The following RGS8 variants were observed in gnomAD, a reference collection of about 807,000 sequenced individuals.
RGS8 encodes the protein regulator of G protein signaling 8, also known as regulator of G-protein signaling 8.
RGS8 carries 8 observed loss-of-function variants against 21.7 expected under a neutral mutation model. That is an observed-to-expected ratio of 0.37 (90% CI 0.22 to 0.66). RGS8 has a LOEUF of 0.66. RGS8 is among the 30% of genes least tolerant of loss of function. The pLI, the probability that RGS8 is intolerant of heterozygous loss-of-function variation, is 0.59. For synonymous variants in RGS8, 80 were observed against 83.6 expected, an observed-to-expected ratio of 0.96 and a Z score of 0.24; for missense variants, 157 against 217.9, an observed-to-expected ratio of 0.72 and a Z score of 1.76.
chr1:182,726,184 C>CAAAAA, the RGS8 span, among the ~76,000 whole-genome samples: 2 of 115,110 alleles, frequency 1.7e-5, no homozygotes, highest in African/African-American at 3.3e-5. Context: ...ATGCTAATCT[C>CAAAAA]AAAAAAAAAA....
the RGS8 span, among the ~76,000 whole-genome samples, chr1:182,694,112 C>T: frequency 5.9e-5 from 9 of 151,846 alleles, no homozygotes; most frequent in South Asian, 1.9e-3. Context: ...GCATGTACCC[C>T]TGAACCTAAA....
At chr1:182,750,522 T>A in the RGS8 span, among the ~76,000 whole-genome samples, 1 of 152,340 alleles carries the variant, frequency 6.6e-6, no homozygotes, top group Admixed American at 6.5e-5. Context: ...TACAATTCTG[T>A]CACAAAAGGT....
the RGS8 span, among the ~76,000 whole-genome samples, chr1:182,718,793 A>AAAAT: frequency 1.3e-5 from 2 of 152,324 alleles, no homozygotes; most frequent in East Asian, 3.9e-4. Context: ...CTTTACCAAA[A>AAAAT]AAATAAATAA....
the RGS8 span, among the ~76,000 whole-genome samples, chr1:182,701,934 A>G: frequency 2.6e-5 from 4 of 152,252 alleles, no homozygotes; most frequent in African/African-American, 9.6e-5. Flanking sequence ...TTAAAAAACA[A>G]CAGACGCTGG....
At chr1:182,726,090 C>A in the RGS8 span, among the ~76,000 whole-genome samples, 1 of 151,280 alleles carries the variant, frequency 6.6e-6, no homozygotes, top group East Asian at 2.0e-4. Context: ...GGCTTCTCAG[C>A]GGCTTGCAGT....
At chr1:182,672,717 C>T, upstream of RGS8, 2 of 1,399,824 alleles carry the variant, frequency 1.4e-6, no homozygotes, top group South Asian at 2.3e-5. Flanking sequence ...CCCCTACTTG[C>T]ATTTGTTATG....
chr1:182,643,324 C>CG (rs1411445727), downstream of RGS8: 2 of 58,654 alleles, frequency 3.4e-5, no homozygotes, highest in Admixed American at 2.9e-4. Flanking sequence ...CCTCCCCCAG[C>CG]CCCCCCGCCC....
the RGS8 span, among the ~76,000 whole-genome samples, chr1:182,705,274 G>A: frequency 6.6e-6 from 1 of 152,162 alleles, no homozygotes; most frequent in Non-Finnish European, 1.5e-5. Flanking sequence ...GAGTACCCAT[G>A]CCTGACAGCA....
chr1:182,717,902 A>G, the RGS8 span, among the ~76,000 whole-genome samples: 1 of 152,256 alleles, frequency 6.6e-6, no homozygotes, highest in Non-Finnish European at 1.5e-5. Flanking sequence ...AGACAAGTTC[A>G]TCTCTTTTTC....
At chr1:182,661,016 C>T (rs1663558280) in intron 5 of RGS8, among the ~76,000 whole-genome samples, 1 of 151,734 alleles carries the variant, frequency 6.6e-6, no homozygotes, top group Non-Finnish European at 1.5e-5. Flanking sequence ...ACTGTATGTT[C>T]TAGAGCTACA....
chr1:182,715,680 C>T, the RGS8 span, among the ~76,000 whole-genome samples: 2 of 152,160 alleles, frequency 1.3e-5, no homozygotes, highest in Admixed American at 6.5e-5. Context: ...ATTTTTGGAA[C>T]ATCTGACTTA....
the RGS8 span, among the ~76,000 whole-genome samples, chr1:182,706,423 C>G: frequency 6.6e-6 from 1 of 152,168 alleles, no homozygotes; most frequent in Non-Finnish European, 1.5e-5. Flanking sequence ...GTAGGAAGAC[C>G]TAATGCTCCC....
the RGS8 span, among the ~76,000 whole-genome samples, chr1:182,709,052 G>C: frequency 1.5e-4 from 18 of 122,924 alleles, no homozygotes; most frequent in Non-Finnish European, 2.5e-4. Flanking sequence ...TTCTCTCTTT[G>C]GTTTTAGTGG....
chr1:182,665,583 C>T (rs899625735), intron 5 of RGS8, among the ~76,000 whole-genome samples: 6 of 152,086 alleles, frequency 3.9e-5, no homozygotes, highest in Admixed American at 6.5e-5. Context: ...GATGCATAGC[C>T]CAAGACTCTC....
At chr1:182,717,126 TACAGAATACTTAGG>T in the RGS8 span, among the ~76,000 whole-genome samples, 1 of 152,232 alleles carries the variant, frequency 6.6e-6, no homozygotes, top group Non-Finnish European at 1.5e-5. Flanking sequence ...ACTAGAGCTT[TACAGAATACTTAGG>T]AAGTCTAAAC....
chr1:182,722,363 C>CAAAAAA, the RGS8 span, among the ~76,000 whole-genome samples: 8 of 79,408 alleles, frequency 1.0e-4, no homozygotes, highest in Admixed American at 2.9e-4. Flanking sequence ...AGCAAATTAC[C>CAAAAAA]AAAAAAAAAA....
the RGS8 span, among the ~76,000 whole-genome samples, chr1:182,725,065 T>C: frequency 5.3e-5 from 8 of 152,172 alleles, no homozygotes; most frequent in Non-Finnish European, 1.2e-4. Flanking sequence ...GGTTACCTTT[T>C]TGTAAAGGTT....
chr1:182,750,110 G>A, the RGS8 span, among the ~76,000 whole-genome samples: 1 of 152,220 alleles, frequency 6.6e-6, no homozygotes, highest in African/African-American at 2.4e-5. Flanking sequence ...TTATAGATCA[G>A]AAAATTATTT....
chr1:182,676,287 T>G (rs1442441712), upstream of RGS8, among the ~76,000 whole-genome samples: 1 of 152,234 alleles, frequency 6.6e-6, no homozygotes, highest in Non-Finnish European at 1.5e-5. Context: ...CAAATGCCCC[T>G]GTGTGTTTAT....
Sources: allele counts gnomAD v4.1 joint callset (sites outside exome capture counted in the v4.1 genomes callset), GRCh38; gene constraint gnomAD v4.1.1; transcripts MANE v1.5; gene names NCBI Gene and HGNC (gene_info 2026-07-23, HGNC 2026-07-21).